Variants in HECW1 observed in about 807,000 individuals in gnomAD.
The protein encoded by HECW1 is E3 ubiquitin-protein ligase HECW1.
HECW1 carries 61 observed loss-of-function variants against 182.3 expected under a neutral mutation model. The observed-to-expected ratio is 0.33, with a 90% CI of 0.27 to 0.41. HECW1 has a LOEUF of 0.41. Among genes scored for constraint, HECW1 ranks in the 10% least tolerant of loss-of-function variants. The pLI is 1.00. For synonymous variants in HECW1, 859 were observed against 832.6 expected, an observed-to-expected ratio of 1.03 and a Z score of -0.55; for missense variants, 1,739 against 2,108.9, an observed-to-expected ratio of 0.82 and a Z score of 3.44.
intron 5 of HECW1, among the ~76,000 whole-genome samples, chr7:43,356,318 C>T (rs1019524744): frequency 2.6e-5 from 4 of 152,100 alleles, no homozygotes; most frequent in African/African-American, 7.2e-5. Context: ...AAGAAGGTCA[C>T]TATACAATGA....
intron 8 of HECW1, among the ~76,000 whole-genome samples, chr7:43,418,195 C>A (rs1195175276): frequency 6.6e-6 from 1 of 152,076 alleles, no homozygotes; most frequent in African/African-American, 2.4e-5. Flanking sequence ...TAGGGCCCAC[C>A]CTAATGGCTT....
chr7:43,405,142 A>G lies in HECW1; in HGVS notation c.632-2420A>G, dbSNP rs117328290. Among the ~76,000 whole-genome samples, 39 of 152,336 alleles carry G rather than the reference A, an allele frequency of 2.6e-4. No homozygotes were observed. In the East Asian group the frequency reaches 7.1e-3, roughly 28 times the overall value. ...TTGCGGAGTTTGTGTTCAGGATTAAATCAGAAAATGTATTTTAAGTGCTTA... is the reference window on the plus strand; with the variant it reads ...TTGCGGAGTTTGTGTTCAGGATTAAGTCAGAAAATGTATTTTAAGTGCTTA... On this transcript the variant is annotated intron_variant, in intron 7 of 29. Transcript: ENST00000395891.
chr7:43,115,032 A>G (rs1315997341), intron 2 of HECW1, among the ~76,000 whole-genome samples: 1 of 152,246 alleles, frequency 6.6e-6, no homozygotes, highest in Non-Finnish European at 1.5e-5. Flanking sequence ...ATATGGAAAG[A>G]CAAGCCTGAG....
At chr7:43,194,697 CTT>C (rs59580794) in intron 2 of HECW1, among the ~76,000 whole-genome samples, 37 of 143,344 alleles carry the variant, frequency 2.6e-4, no homozygotes, top group African/African-American at 4.8e-4. Context: ...GCTCTCCACC[CTT>C]TTTTTTTTTT....
intron 2 of HECW1, among the ~76,000 whole-genome samples, chr7:43,221,291 G>A (rs1562693691): frequency 6.6e-6 from 1 of 152,058 alleles, no homozygotes; most frequent in African/African-American, 2.4e-5. Context: ...TAGAGGATTA[G>A]GGAGATCCTG....
intron 3 of HECW1, among the ~76,000 whole-genome samples, chr7:43,278,453 C>T (rs555703928): frequency 1.3e-5 from 2 of 152,258 alleles, no homozygotes; most frequent in East Asian, 3.9e-4. Context: ...TTCCCACCTG[C>T]TCCTCCTGTT....
chr7:43,399,170 G>GAA (rs2075324972), intron 7 of HECW1, among the ~76,000 whole-genome samples: 1 of 152,178 alleles, frequency 6.6e-6, no homozygotes, highest in Non-Finnish European at 1.5e-5. Context: ...GGCAAGAAGG[G>GAA]GGTTTGTTTC....
intron 17 of HECW1, among the ~76,000 whole-genome samples, chr7:43,480,958 C>G (rs1278246010): frequency 2.0e-5 from 3 of 152,160 alleles, no homozygotes; most frequent in Non-Finnish European, 4.4e-5. Context: ...TATTTCCAAC[C>G]AGTGGCACTC....
rs576574578 is a variant in HECW1 at position 43,206,183 on chromosome 7, G to C, written c.-31-37692G>C. Among the ~76,000 whole-genome samples the C allele has an allele frequency of 2.0e-4, 30 of 152,320 alleles. No homozygotes were observed. In the South Asian group the frequency reaches 6.2e-3, roughly 32 times the overall value. ...ATACTTTTAGATGAGCTCCTACCAT[G>C]TGCACTCACAAGGGAGCATTTTAAG... On this transcript the variant is annotated intron_variant, in intron 2 of 29. Transcript: ENST00000395891.
chr7:43,552,460 C>T, intron 28 of HECW1, 124 bp downstream of exon 28: 1 of 674,912 alleles, frequency 1.5e-6, no homozygotes, highest in South Asian at 1.7e-5. Flanking sequence ...AAGTCAGTGG[C>T]ATTTAGTACA....
chr7:43,260,700 G>A (rs977169727), intron 3 of HECW1, among the ~76,000 whole-genome samples: 1 of 152,116 alleles, frequency 6.6e-6, no homozygotes, highest in African/African-American at 2.4e-5. Context: ...CAGATGTAAG[G>A]TTGATTTAGT....
chr7:43,376,299 C>A (rs768918420), intron 6 of HECW1, among the ~76,000 whole-genome samples: 1 of 152,070 alleles, frequency 6.6e-6, no homozygotes, highest in Non-Finnish European at 1.5e-5. Context: ...CACCACCCAA[C>A]GAGCCTCAGG....
chr7:43,443,791 A>G (rs760954466), intron 10 of HECW1, among the ~76,000 whole-genome samples: 37 of 152,192 alleles, frequency 2.4e-4, no homozygotes, highest in Non-Finnish European at 5.1e-4. Flanking sequence ...ACCCTGCAGG[A>G]CCTAAGCATA....
chr7:43,409,094 A>AT (rs998437404), intron 8 of HECW1, among the ~76,000 whole-genome samples: 1 of 152,178 alleles, frequency 6.6e-6, no homozygotes, highest in African/African-American at 2.4e-5. Flanking sequence ...GAGAGCAAAG[A>AT]TTTTTTATTA....
intron 11 of HECW1, among the ~76,000 whole-genome samples, chr7:43,447,554 G>T (rs2077097291): frequency 6.6e-6 from 1 of 152,098 alleles, no homozygotes; most frequent in South Asian, 2.1e-4. Flanking sequence ...ATTCCCGAGG[G>T]GTCTCTTGAT....
At chr7:43,548,629 CT>C (rs925206460) in intron 26 of HECW1, among the ~76,000 whole-genome samples, 4 of 151,606 alleles carry the variant, frequency 2.6e-5, no homozygotes, top group South Asian at 2.1e-4. Context: ...TTAATAGAAG[CT>C]TTTTTTTTCT....
At chr7:43,180,128 G>A (rs1476712988) in intron 2 of HECW1, among the ~76,000 whole-genome samples, 1 of 139,730 alleles carries the variant, frequency 7.2e-6, no homozygotes, top group Non-Finnish European at 1.5e-5. Flanking sequence ...GATGCACTTT[G>A]CAGAGCCTAA....
chr7:43,416,692 G>C (rs373614285), intron 8 of HECW1, among the ~76,000 whole-genome samples: 3 of 145,704 alleles, frequency 2.1e-5, no homozygotes, highest in Admixed American at 1.4e-4. Context: ...TTCCGTGGGC[G>C]TAGGACCCTC....
intron 8 of HECW1, among the ~76,000 whole-genome samples, chr7:43,411,045 A>AT (rs35153636): frequency 0.39 from 54,767 of 141,408 alleles, 10,795 homozygotes; most frequent in African/African-American, 0.5. Context: ...ATTGCCTTCT[A>AT]TTTTTTTTTT....
Sources: allele counts gnomAD v4.1 joint callset (sites outside exome capture counted in the v4.1 genomes callset), GRCh38; gene constraint gnomAD v4.1.1; transcripts MANE v1.5; gene names NCBI Gene and HGNC (gene_info 2026-07-23, HGNC 2026-07-21).